The following CPLX3 variants were observed in gnomAD, a reference collection of about 807,000 sequenced individuals.
CPLX3 encodes complexin 3.
In CPLX3, 12 loss-of-function variants were observed where a neutral mutation model predicts 17.2. That is an observed-to-expected ratio of 0.70 (90% CI 0.45 to 1.13). The LOEUF is 1.13. Among genes scored for constraint, CPLX3 ranks in the 50% most tolerant of loss-of-function variants. The pLI is 0.00. For missense variants in CPLX3, 172 were observed against 203.2 expected (o/e 0.85, Z 0.93); for synonymous variants, 75 against 79.4 (o/e 0.94, Z 0.29).
At position 74,826,672 on chromosome 15, in the gene CPLX3, G is replaced by A. The variant is rs773810701; in HGVS notation, c.-32G>A. On this transcript the variant is annotated 5_prime_UTR_variant, in exon 1 of 3. Coordinates refer to ENST00000395018, the MANE Select transcript of CPLX3 (RefSeq NM_001030005.3). The surrounding 1 kb of genome is among the most constrained non-coding windows in gnomAD (Gnocchi z 5.0). ...CGTGCCCGGTGCCTGGCGCGTGGTA[G>A]CAGGCGCCCGGTGCCCCGGCCGGCG... The A allele has an allele frequency of 3.1e-6, 5 of 1,593,562 alleles. No individual in the cohort carries two copies. The highest frequency in any genetic ancestry group is 3.4e-5 in the Admixed American group (2 of 58,248).
intron 2 of CPLX3, 94 bp from the exon 3 acceptor site, chr15:74,830,036 T>C: frequency 1.1e-6 from 1 of 881,960 alleles, no homozygotes; most frequent in Non-Finnish European, 1.8e-6. Flanking sequence ...TCTAGGGGCC[T>C]GGAACCCAGT....
At chr15:74,827,937 G>A in intron 1 of CPLX3, 97 bp from the exon 2 acceptor site, 1 of 985,100 alleles carries the variant, frequency 1.0e-6, no homozygotes, top group Non-Finnish European at 1.6e-6. Context: ...CAATGCAGCA[G>A]CTGCTAGGAC....
chr15:74,828,286 T>C (rs1409702893), intron 2 of CPLX3, among the ~76,000 whole-genome samples, 165 bp downstream of exon 2: 2 of 152,228 alleles, frequency 1.3e-5, no homozygotes, highest in Admixed American at 6.5e-5. Context: ...CACTCACTCG[T>C]AGTTAAATCT....
chr15:74,827,421 T>G (rs932964522), intron 1 of CPLX3, among the ~76,000 whole-genome samples: 10 of 152,242 alleles, frequency 6.6e-5, no homozygotes, highest in Non-Finnish European at 1.3e-4. Flanking sequence ...TTACTTAACC[T>G]TTCTGTGCCT....
intron 2 of CPLX3, among the ~76,000 whole-genome samples, chr15:74,829,401 C>G (rs748132571): frequency 6.6e-6 from 1 of 152,144 alleles, no homozygotes; most frequent in African/African-American, 2.4e-5. Context: ...TTGAATCTAG[C>G]TCCCCAACAT....
intron 1 of CPLX3, among the ~76,000 whole-genome samples, chr15:74,827,175 C>A (rs963603142): frequency 9.9e-5 from 15 of 152,186 alleles, no homozygotes; most frequent in East Asian, 3.9e-4. Flanking sequence ...TCCCTTAATC[C>A]GATCTGGTCC....
Position 74,828,068 on chromosome 15 carries a change from G to A in CPLX3, c.199G>A (p.Ala67Thr). ...ERDAQFTQRK[A>T]ERATLRSHFR... ...GGATGCACAGTTCACACAGAGGAAG[G>A]CAGAGCGGGCCACACTGCGGAGCCA... Residue 67 changes from alanine (A) to threonine (T), a missense_variant, in exon 2 of 3, where the codon GCA (alanine) becomes ACA (threonine). Coordinates refer to ENST00000395018, the MANE Select transcript of CPLX3 (RefSeq NM_001030005.3). 6.2e-7 allele frequency: 1 copy of A among 1,608,010 alleles called. No individual in the cohort carries two copies. Among genetic ancestry groups the A allele is most frequent in the Non-Finnish European group, 8.5e-7 (1 of 1,177,296 alleles).
At chr15:74,829,000 G>T (rs553943381) in intron 2 of CPLX3, among the ~76,000 whole-genome samples, 2 of 152,166 alleles carry the variant, frequency 1.3e-5, no homozygotes, top group Non-Finnish European at 2.9e-5. Context: ...ACAGCACAGG[G>T]CTATAGCGCT....
chr15:74,827,370 A>G (rs1482067304), intron 1 of CPLX3, among the ~76,000 whole-genome samples: 1 of 152,212 alleles, frequency 6.6e-6, no homozygotes, highest in East Asian at 1.9e-4. Context: ...ACTTGGGTTC[A>G]GAGCCTGGCT....
chr15:74,828,490 G>T (rs1368466626), intron 2 of CPLX3, among the ~76,000 whole-genome samples: 2 of 152,218 alleles, frequency 1.3e-5, no homozygotes, highest in South Asian at 4.1e-4. Context: ...AGAGGTGAGT[G>T]TTCTGGGGGT....
intron 2 of CPLX3, among the ~76,000 whole-genome samples, chr15:74,829,560 G>A (rs919972784): frequency 7.2e-5 from 11 of 152,082 alleles, no homozygotes. Flanking sequence ...ACCTCACAGG[G>A]TTATTGTGAG....
At position 74,828,112 on chromosome 15, in the gene CPLX3, G is replaced by A. The variant is rs1189864558; in HGVS notation, c.243G>A (p.Arg81=). ...GGAGCCACTTCCGAGACAAATACCG[G>A]CTACCCAAGGTAAGCTGGCCCCGGC... ...TLRSHFRDKY[R]LPKNETDESQ... The change falls in exon 2 of 3, where the codon CGG becomes CGA. Residue 81 remains arginine (R), a synonymous_variant. Coordinates refer to ENST00000395018, the MANE Select transcript of CPLX3 (RefSeq NM_001030005.3). 3.1e-6 allele frequency: 5 copies of A among 1,591,734 alleles called. No individual in the cohort carries two copies. Among genetic ancestry groups the A allele is most frequent in the Non-Finnish European group, 4.3e-6 (5 of 1,168,340 alleles).
intron 2 of CPLX3, 95 bp from the exon 3 acceptor site, chr15:74,830,035 C>G: frequency 1.1e-6 from 1 of 878,616 alleles, no homozygotes; most frequent in Non-Finnish European, 1.8e-6. Flanking sequence ...ATCTAGGGGC[C>G]TGGAACCCAG....
At position 74,831,721 on chromosome 15, in the gene CPLX3, A is replaced by C. The variant is rs1213475655; in HGVS notation, c.*1367A>C. 6.6e-6 allele frequency: 1 copy of C among 152,216 alleles called. No individual in the cohort carries two copies. The highest frequency in any genetic ancestry group is 1.9e-4 in the East Asian group (1 of 5,202). The allele number at this position is 152,216 out of a possible 1,614,324, so 9.4% of individuals were successfully genotyped here. ...CAGTCCCCCTCTCCCCCAAATAGTA[A>C]TAATACATGTTTCAAAGGGTGACCA... On this transcript the variant is annotated 3_prime_UTR_variant, in exon 3 of 3. Coordinates refer to ENST00000395018, the MANE Select transcript of CPLX3 (RefSeq NM_001030005.3).
chr15:74,828,293 AT>A (rs1329984369), intron 2 of CPLX3, among the ~76,000 whole-genome samples, 172 bp downstream of exon 2: 1 of 152,178 alleles, frequency 6.6e-6, no homozygotes, highest in Non-Finnish European at 1.5e-5. Flanking sequence ...TCGTAGTTAA[AT>A]CTGTGCCCAC....
intron 2 of CPLX3, among the ~76,000 whole-genome samples, chr15:74,828,913 A>G (rs181675459): frequency 2.0e-5 from 3 of 152,244 alleles, no homozygotes; most frequent in Non-Finnish European, 4.4e-5. Flanking sequence ...CCTGTTGTCT[A>G]AGGAGGGGAA....
Position 74,830,385 on chromosome 15 carries a change from GC to G in CPLX3, c.*36del. ...TCCCCGGGGTTACCCACTGGGCTGG[GC>G]CCCCATGAGGGCTAAGAGTGTGTCA... On this transcript the variant is annotated 3_prime_UTR_variant, in exon 3 of 3. Transcript: ENST00000395018. 6.4e-7 allele frequency: 1 copy of G among 1,569,160 alleles called. No individual in the cohort carries two copies. The highest frequency in any genetic ancestry group is 8.7e-7 in the Non-Finnish European group (1 of 1,148,542).
chr15:74,829,355 C>T (rs575492108), intron 2 of CPLX3, among the ~76,000 whole-genome samples: 1 of 151,878 alleles, frequency 6.6e-6, no homozygotes, highest in East Asian at 1.9e-4. Context: ...AGGTGCCATG[C>T]AAAAAAACAC....
At chr15:74,830,103 C>A in intron 2 of CPLX3, 27 bp from the exon 3 acceptor site, 1 of 1,594,236 alleles carries the variant, frequency 6.3e-7, no homozygotes, top group Non-Finnish European at 8.6e-7. Context: ...CACTCCACCC[C>A]ACCCCCTCTT....
Sources: allele counts gnomAD v4.1 joint callset (sites outside exome capture counted in the v4.1 genomes callset), GRCh38; gene constraint gnomAD v4.1.1; non-coding constraint Gnocchi (gnomAD v3.1); transcripts MANE v1.5; gene names NCBI Gene and HGNC (gene_info 2026-07-23, HGNC 2026-07-21).